The following IFI44L variants were observed in gnomAD, a reference collection of about 807,000 sequenced individuals.
IFI44L encodes interferon induced protein 44 like.
A neutral mutation model predicts 39.3 loss-of-function variants in IFI44L; 40 were observed. That is an observed-to-expected ratio of 1.02 (90% CI 0.79 to 1.33). The LOEUF (loss-of-function observed/expected upper bound fraction) is 1.33. Among genes scored for constraint, IFI44L ranks in the 40% most tolerant of loss-of-function variants. The probability of loss-of-function intolerance (pLI) is 0.00; values close to 1 mark genes in which losing one functional copy is unlikely to be tolerated. For synonymous variants in IFI44L, 198 were observed against 182.3 expected (o/e 1.09, Z -0.69); for missense variants, 623 against 549.0 (o/e 1.13, Z -1.35).
chr1:78,629,209 C>T (rs889736482), intron 3 of IFI44L, among the ~76,000 whole-genome samples: 3 of 152,112 alleles, frequency 2.0e-5, no homozygotes, highest in African/African-American at 7.2e-5. Context: ...ACTTCATTTC[C>T]ACTTTAGACC....
chr1:78,627,792 A>G (rs149182230), intron 1 of IFI44L, 114 bp from the exon 2 acceptor site: 135 of 480,650 alleles, frequency 2.8e-4, no homozygotes, highest in African/African-American at 2.6e-3. Context: ...TAACCAAACA[A>G]TGTGTTTTAA....
At position 78,643,956 on chromosome 1, in the gene IFI44L, T is replaced by C. The variant is rs1327378075; in HGVS notation, c.*2147T>C. On this transcript the variant is annotated 3_prime_UTR_variant, in exon 9 of 9. Transcript: ENST00000370751. ...TGGTTAGTACTTAGCTGTGTTTTTA[T>C]TCAAAGTCTACATTTTATGTAGTGG... The C allele has an allele frequency of 1.3e-5, 2 of 152,162 alleles. No homozygotes were observed. Among genetic ancestry groups the C allele is most frequent in the South Asian group, 2.1e-4 (1 of 4,832 alleles). The allele number at this position is 152,162 out of a possible 1,614,324, so 9.4% of individuals were successfully genotyped here.
chr1:78,632,256 A>G (rs1240805172), intron 4 of IFI44L, among the ~76,000 whole-genome samples: 2 of 152,220 alleles, frequency 1.3e-5, no homozygotes, highest in Admixed American at 6.5e-5. Context: ...ACAAAAACTG[A>G]CAGTGTTTGT....
At chr1:78,639,081 C>T (rs1410594340) in intron 6 of IFI44L, among the ~76,000 whole-genome samples, 1 of 152,034 alleles carries the variant, frequency 6.6e-6, no homozygotes. Flanking sequence ...GGGCTAGAAG[C>T]CTCCTTGCAT....
chr1:78,641,419 A>C lies in IFI44L; in HGVS notation c.1150-16A>C, dbSNP rs376605242. ...TTAAATACAGGACTTACACTTTTTA[A>C]ATATACTTTCCACAGGTCATGAATG... On this transcript the variant is annotated splice_polypyrimidine_tract_variant and intron_variant, in intron 7 of 8. Transcript: ENST00000370751. 1.2e-5 allele frequency: 20 copies of C among 1,605,932 alleles called. No individual in the cohort carries two copies. The African/African-American group carries it at 2.5e-4, about 20-fold the overall frequency.
intron 6 of IFI44L, among the ~76,000 whole-genome samples, chr1:78,640,270 T>C (rs1254077790): frequency 6.6e-6 from 1 of 152,086 alleles, no homozygotes. Context: ...AAGAATTACA[T>C]TGCAACAGAG....
chr1:78,633,094 A>G (rs1422860908), intron 4 of IFI44L, among the ~76,000 whole-genome samples: 1 of 152,212 alleles, frequency 6.6e-6, no homozygotes, highest in Non-Finnish European at 1.5e-5. Context: ...TTCTAGCACA[A>G]TAATAACAAA....
chr1:78,631,351 T>G (rs918961468), intron 4 of IFI44L: 3 of 152,160 alleles, frequency 2.0e-5, no homozygotes, highest in Admixed American at 1.3e-4. Context: ...GTTGAGGCAC[T>G]GGTAAGTCCT....
At position 78,642,859 on chromosome 1, in the gene IFI44L, T is replaced by G. The variant is rs751814130; in HGVS notation, c.*1050T>G. The G allele has an allele frequency of 6.6e-6, 1 of 152,120 alleles. No individual in the cohort carries two copies. The highest frequency in any genetic ancestry group is 1.5e-5 in the Non-Finnish European group (1 of 67,992). 9.4% of individuals were successfully genotyped at this position (152,120 alleles called of 1,614,324 possible). A position where few individuals can be genotyped will look rare whatever the true frequency, so the allele number is the denominator to read the frequency against. On this transcript the variant is annotated 3_prime_UTR_variant, in exon 9 of 9. Coordinates refer to ENST00000370751, the MANE Select transcript of IFI44L (RefSeq NM_006820.4). Reference sequence around the variant, plus strand: ...CATCCTAGCCATGTGTCCTTCCATTTAGGTTACTGGGGCAAATCAGTAAGA... The same window carrying G: ...CATCCTAGCCATGTGTCCTTCCATTGAGGTTACTGGGGCAAATCAGTAAGA...
intron 5 of IFI44L, chr1:78,635,983 T>C (rs952741346): frequency 2.4e-5 from 4 of 166,208 alleles, no homozygotes; most frequent in Non-Finnish European, 3.8e-5. Flanking sequence ...TTTTTTTTTT[T>C]CAGGTGTGAA....
At chr1:78,630,123 A>T (rs1336910111) in intron 4 of IFI44L, 2 of 521,796 alleles carry the variant, frequency 3.8e-6, no homozygotes, top group Non-Finnish European at 6.9e-6. Context: ...AAGCAGTTAT[A>T]TAAAGAATAC....
intron 5 of IFI44L, chr1:78,635,780 A>T: frequency 2.8e-6 from 1 of 360,676 alleles, no homozygotes; most frequent in Non-Finnish European, 5.0e-6. Flanking sequence ...TAAACTAATG[A>T]TAGTCACTTA....
intron 6 of IFI44L, 87 bp downstream of exon 6, chr1:78,637,290 A>G: frequency 1.0e-6 from 1 of 980,284 alleles, no homozygotes; most frequent in South Asian, 1.6e-5. Flanking sequence ...GAGATTTCCC[A>G]TGTACCTTTC....
chr1:78,625,444 C>T (rs907432809), intron 1 of IFI44L, among the ~76,000 whole-genome samples: 12 of 151,950 alleles, frequency 7.9e-5, no homozygotes, highest in South Asian at 6.2e-4. Context: ...ATCTTCAGAC[C>T]ATTTTATCGT....
At chr1:78,634,871 C>G (rs776777479) in intron 4 of IFI44L, among the ~76,000 whole-genome samples, 1 of 150,524 alleles carries the variant, frequency 6.6e-6, no homozygotes. Context: ...CTGTTATTAA[C>G]TTAAAATAAC....
At position 78,644,612 on chromosome 1, in the gene IFI44L, G is replaced by A. The variant is rs570150802; in HGVS notation, c.*2803G>A. 2 of 152,164 alleles carry A rather than the reference G, an allele frequency of 1.3e-5. No individual in the cohort carries two copies. The highest frequency in any genetic ancestry group is 4.8e-5 in the African/African-American group (2 of 41,432). The allele number at this position is 152,164 out of a possible 1,614,324, so 9.4% of individuals were successfully genotyped here. A position where few individuals can be genotyped will look rare whatever the true frequency, so the allele number is the denominator to read the frequency against. On this transcript the variant is annotated 3_prime_UTR_variant, in exon 9 of 9. Transcript: ENST00000370751. ...CCTGATCTTTTTCTACCACCCTGAGGGGTGGTGGGAATTATCATTTTGCTA... is the reference window on the plus strand; with the variant it reads ...CCTGATCTTTTTCTACCACCCTGAGAGGTGGTGGGAATTATCATTTTGCTA...
rs61769966 is a variant in IFI44L, at chr1:78,638,363, G to A, written c.1048+1160G>A. ...GTCAATTGTCAGATACATTGTTTGC[G>A]GATAGTTTCTCCCAGTCTGTAGTTG... is the stretch of plus-strand genomic sequence containing the variant. On this transcript the variant is annotated intron_variant, in intron 6 of 8. Transcript: ENST00000370751. 9.7e-4 allele frequency among the ~76,000 whole-genome samples: 148 copies of A among 152,042 alleles called. 1 individual carries two copies. Among genetic ancestry groups the A allele is most frequent in the Middle Eastern group, 3.4e-3 (1 of 294 alleles).
chr1:78,634,357 T>C (rs189906302), intron 4 of IFI44L, among the ~76,000 whole-genome samples: 1 of 152,240 alleles, frequency 6.6e-6, no homozygotes, highest in African/African-American at 2.4e-5. Flanking sequence ...TAGAAAGTTT[T>C]AATATGACTA....
rs1040254868 is a variant in IFI44L, at chr1:78,644,209, G to A, written c.*2400G>A. 6.6e-6 allele frequency: 1 copy of A among 152,160 alleles called. No homozygotes were observed. Among genetic ancestry groups the A allele is most frequent in the African/African-American group, 2.4e-5 (1 of 41,442 alleles). 9.4% of individuals were successfully genotyped at this position (152,160 alleles called of 1,614,324 possible). On this transcript the variant is annotated 3_prime_UTR_variant, in exon 9 of 9. Coordinates refer to ENST00000370751, the MANE Select transcript of IFI44L (RefSeq NM_006820.4). Reference sequence around the variant, plus strand: ...GTGGAGCCTGAAAAAAATCTGGGCAGAATGTAGGACTTCTTTATTTTGTTT... The same window carrying A: ...GTGGAGCCTGAAAAAAATCTGGGCAAAATGTAGGACTTCTTTATTTTGTTT...
Sources: allele counts gnomAD v4.1 joint callset (sites outside exome capture counted in the v4.1 genomes callset), GRCh38; gene constraint gnomAD v4.1.1; transcripts MANE v1.5; gene names NCBI Gene and HGNC (gene_info 2026-07-23, HGNC 2026-07-21).